The following MIA variants were observed in gnomAD, a reference collection of about 807,000 sequenced individuals.
MIA encodes MIA SH3 domain containing.
A neutral mutation model predicts 18.5 loss-of-function variants in MIA; 18 were observed. That is an observed-to-expected ratio of 0.97 (90% CI 0.67 to 1.44). The LOEUF is 1.44. Ranked by LOEUF, MIA falls within the 40% of genes most tolerant of loss-of-function variation. The probability of loss-of-function intolerance (pLI) is 0.00; values close to 1 mark genes in which losing one functional copy is unlikely to be tolerated. For missense variants in MIA, 158 were observed against 172.4 expected (o/e 0.92, Z 0.47); for synonymous variants, 55 against 64.9 (o/e 0.85, Z 0.74).
chr19:40,777,267 T>C (rs1432171229), intron 3 of MIA, 130 bp from the exon 4 acceptor site: 10 of 1,191,422 alleles, frequency 8.4e-6, no homozygotes, highest in Non-Finnish European at 1.2e-5. Flanking sequence ...TAGAGGGCTC[T>C]AGGCTAATTT....
intron 3 of MIA, 103 bp from the exon 4 acceptor site, chr19:40,777,294 G>A: frequency 7.1e-7 from 1 of 1,402,052 alleles, no homozygotes; most frequent in Non-Finnish European, 1.0e-6. Flanking sequence ...CACTTGTGTG[G>A]CCAGACCTGG....
intron 2 of MIA, 99 bp downstream of exon 2, chr19:40,775,984 A>C: frequency 1.7e-4 from 216 of 1,292,832 alleles, no homozygotes; most frequent in Non-Finnish European, 2.0e-4. Flanking sequence ...TGAAATAGAC[A>C]TTGTGGGGGG....
chr19:40,775,669 C>CGTAAGAATGGG lies in MIA; in HGVS notation c.127+2_127+12dup. 6.2e-7 allele frequency: 1 copy of CGTAAGAATGGG among 1,614,074 alleles called. No homozygotes were observed. Among genetic ancestry groups the CGTAAGAATGGG allele is most frequent in the South Asian group, 1.1e-5 (1 of 91,080 alleles). On this transcript the variant is annotated frameshift_variant and splice_region_variant. Transcript: ENST00000263369. LOFTEE classifies it high-confidence loss of function. ...GCTGTGTGCGGACCAGGAGTGCAGC[C>CGTAAGAATGGG]GTAAGAATGGGGAGGGGAGAATTGG... is the stretch of plus-strand genomic sequence containing the variant.
At chr19:40,776,007 A>G in intron 2 of MIA, 122 bp downstream of exon 2, 1 of 1,310,878 alleles carries the variant, frequency 7.6e-7, no homozygotes, top group Non-Finnish European at 1.0e-6. Flanking sequence ...ATTGTTACTT[A>G]CTTTATTTTA....
chr19:40,776,676 AG>A (rs1327137609), intron 2 of MIA: 1 of 239,214 alleles, frequency 4.2e-6, no homozygotes, highest in Non-Finnish European at 8.2e-6. Flanking sequence ...CCAGAAGTTG[AG>A]GCTGCAGTGA....
In MIA at chr19:40,777,247, G is replaced by T; in HGVS notation, c.373-150G>T. 1.3e-5 allele frequency: 14 copies of T among 1,096,694 alleles called. No individual in the cohort carries two copies. In the South Asian group the frequency reaches 1.8e-4, roughly 14 times the overall value. 67.9% of individuals were successfully genotyped at this position (1,096,694 alleles called of 1,614,324 possible). ...CCAGTAAAATGGGTCCAGTTGGGAGGTGCAAAGATTAGAGGGCTCTAGGCT... is the reference window on the plus strand; with the variant it reads ...CCAGTAAAATGGGTCCAGTTGGGAGTTGCAAAGATTAGAGGGCTCTAGGCT... On this transcript the variant is annotated intron_variant, in intron 3 of 3. Coordinates refer to ENST00000263369, the MANE Select transcript of MIA (RefSeq NM_006533.4).
chr19:40,775,962 A>AG (rs1266575757), intron 2 of MIA, 77 bp downstream of exon 2: 50 of 1,544,454 alleles, frequency 3.2e-5, no homozygotes, highest in Non-Finnish European at 4.1e-5. Context: ...GGAAGATTTG[A>AG]GGGGGGTGAA....
rs540544123 is a variant in MIA at position 40,776,030 on chromosome 19, T to G, written c.261+145T>G. 9.2e-5 allele frequency: 113 copies of G among 1,223,860 alleles called. No individual in the cohort carries two copies. The African/African-American group carries it at 1.4e-3, about 15-fold the overall frequency. The allele number at this position is 1,223,860 out of a possible 1,614,324, so 75.8% of individuals were successfully genotyped here. ...TTACTTTATTTTATTTGCTTATTAT[T>G]TTTTAATTTTTTCCGAGACAGAGTC... On this transcript the variant is annotated intron_variant, in intron 2 of 3. Coordinates refer to ENST00000263369, the MANE Select transcript of MIA (RefSeq NM_006533.4).
At chr19:40,777,100 C>G (rs1355030760) in intron 3 of MIA, 21 bp downstream of exon 3, 4 of 1,594,102 alleles carry the variant, frequency 2.5e-6, no homozygotes, top group South Asian at 1.1e-5. Context: ...TGGGGGCTGG[C>G]AAGAAATGTG....
upstream of MIA, chr19:40,775,510 C>A (rs377062706): frequency 6.2e-7 from 1 of 1,613,296 alleles, no homozygotes; most frequent in Non-Finnish European, 8.5e-7. Flanking sequence ...GACCCCAGCA[C>A]CCCCTTGCTC....
At position 40,775,743 on chromosome 19, in the gene MIA, C is replaced by G; in HGVS notation, c.128-9C>G. 1 of 1,614,096 alleles carries G rather than the reference C, an allele frequency of 6.2e-7. No homozygotes were observed. Among genetic ancestry groups the G allele is most frequent in the Non-Finnish European group, 8.5e-7 (1 of 1,180,004 alleles). On this transcript the variant is annotated splice_polypyrimidine_tract_variant and intron_variant, in intron 1 of 3. Coordinates refer to ENST00000263369, the MANE Select transcript of MIA (RefSeq NM_006533.4). ...GAGGGTGCTGCATTCCCTTCTATTC[C>G]TTCCCTAGACCCTATCTCCATGGCT...
intron 2 of MIA, 40 bp from the exon 3 acceptor site, chr19:40,776,929 C>T: frequency 1.4e-6 from 2 of 1,454,268 alleles, no homozygotes; most frequent in Non-Finnish European, 9.6e-7. Flanking sequence ...CACAAGCTTG[C>T]CATCTTCCCA....
chr19:40,775,739 A>G lies in MIA; in HGVS notation c.128-13A>G. 2.5e-6 allele frequency: 4 copies of G among 1,613,924 alleles called. No homozygotes were observed. The highest frequency in any genetic ancestry group is 3.4e-6 in the Non-Finnish European group (4 of 1,179,970). Reference sequence around the variant, plus strand: ...TGTGGAGGGTGCTGCATTCCCTTCTATTCCTTCCCTAGACCCTATCTCCAT... The same window carrying G: ...TGTGGAGGGTGCTGCATTCCCTTCTGTTCCTTCCCTAGACCCTATCTCCAT... On this transcript the variant is annotated splice_polypyrimidine_tract_variant and intron_variant, in intron 1 of 3. Transcript: ENST00000263369.
rs553190769 is a variant in MIA, at chr19:40,775,681, G to T, written c.127+12G>T. 6.2e-7 allele frequency: 1 copy of T among 1,614,188 alleles called. No individual in the cohort carries two copies. Among genetic ancestry groups the T allele is most frequent in the African/African-American group, 1.3e-5 (1 of 75,038 alleles). On this transcript the variant is annotated intron_variant, in intron 1 of 3. Transcript: ENST00000263369. ...CCAGGAGTGCAGCCGTAAGAATGGG[G>T]AGGGGAGAATTGGGGGCTTGGGCGT...
rs2082992654 is a variant in MIA at position 40,775,899 on chromosome 19, G to A, written c.261+14G>A. ...TGGGGAGGCAGCGTGAGTCTTGGGA[G>A]AGTGAAAGAGGGAAGGGTACAGAGC... On this transcript the variant is annotated intron_variant, in intron 2 of 3. Transcript: ENST00000263369. 6.2e-7 allele frequency: 1 copy of A among 1,613,748 alleles called. No individual in the cohort carries two copies. Among genetic ancestry groups the A allele is most frequent in the Non-Finnish European group, 8.5e-7 (1 of 1,179,872 alleles).
chr19:40,777,153 C>T (rs2083003484), intron 3 of MIA, 74 bp downstream of exon 3: 2 of 1,329,290 alleles, frequency 1.5e-6, no homozygotes, highest in East Asian at 4.6e-5. Flanking sequence ...AAAATGCTCC[C>T]ACACTTGGCT....
chr19:40,777,054 C>CTGGCAAAG lies in MIA; in HGVS notation c.349_356dup (p.Asp120AlafsTer5). ...GTCCGAGAGGACCAGACCCTGAAACCTGGCAAAGTCGATGTGAAGACAGAC... is the reference window on the plus strand; with the variant it reads ...GTCCGAGAGGACCAGACCCTGAAACCTGGCAAAGTGGCAAAGTCGATGTGAAGACAGAC... On this transcript the variant is annotated frameshift_variant, in exon 3 of 4. Transcript: ENST00000263369. LOFTEE classifies it high-confidence loss of function. 1 of 1,613,018 alleles carries CTGGCAAAG rather than the reference C, an allele frequency of 6.2e-7. No homozygotes were observed. The highest frequency in any genetic ancestry group is 2.2e-5 in the East Asian group (1 of 44,880).
intron 2 of MIA, among the ~76,000 whole-genome samples, chr19:40,776,223 T>A (rs1334788133): frequency 6.7e-6 from 1 of 150,136 alleles, no homozygotes; most frequent in Admixed American, 6.7e-5. Flanking sequence ...GACAGGGTTT[T>A]ACCATATTGG....
Position 40,775,577 on chromosome 19 carries a change from T to A in MIA, c.35T>A (p.Ile12Asn). Residue 12 changes from isoleucine (I) to asparagine (N), a missense_variant, in exon 1 of 4, where the codon ATC becomes AAC. Ile to Asn is a moderately radical substitution (Grantham distance 149). Coordinates refer to ENST00000263369, the MANE Select transcript of MIA (RefSeq NM_006533.4). The part of the protein sequence containing the change: ...ARSLVCLGVI[I>N]LLSAFSGPGV... ...TCCCTGGTGTGCCTTGGTGTCATCA[T>A]CTTGCTGTCTGCCTTCTCCGGACCT... is the stretch of plus-strand genomic sequence containing the variant. 6.2e-7 allele frequency: 1 copy of A among 1,614,208 alleles called. No individual in the cohort carries two copies. The highest frequency in any genetic ancestry group is 8.5e-7 in the Non-Finnish European group (1 of 1,180,036).
Sources: allele counts gnomAD v4.1 joint callset (sites outside exome capture counted in the v4.1 genomes callset), GRCh38; gene constraint gnomAD v4.1.1; transcripts MANE v1.5; gene names NCBI Gene and HGNC (gene_info 2026-07-23, HGNC 2026-07-21).